Variants in ZNF329 observed in about 807,000 individuals in gnomAD.
ZNF329 encodes zinc finger protein 329.
ZNF329 carries 15 observed loss-of-function variants against 26.6 expected under a neutral mutation model. That is an observed-to-expected ratio of 0.56 (90% CI 0.38 to 0.87). The LOEUF (loss-of-function observed/expected upper bound fraction) is 0.87. Ranked by LOEUF, ZNF329 falls within the 40% of genes least tolerant of loss-of-function variation. The pLI, the probability that ZNF329 is intolerant of heterozygous loss-of-function variation, is 0.00. For synonymous variants in ZNF329, 239 were observed against 233.5 expected, an observed-to-expected ratio of 1.02 and a Z score of -0.21; for missense variants, 651 against 651.9, an observed-to-expected ratio of 1.00 and a Z score of 0.02.
intron 2 of ZNF329, among the ~76,000 whole-genome samples, 178 bp from the exon 3 acceptor site, chr19:58,142,839 C>A (rs796274538): frequency 6.6e-6 from 1 of 152,216 alleles, no homozygotes; most frequent in African/African-American, 2.4e-5. Context: ...ACCCCTTTCT[C>A]CTTCTCCCTC....
chr19:58,151,841 C>T (rs1330341972), upstream of ZNF329, among the ~76,000 whole-genome samples: 1 of 152,046 alleles, frequency 6.6e-6, no homozygotes, highest in Non-Finnish European at 1.5e-5. Flanking sequence ...GGGGAGGAGA[C>T]AAAGGAGACC....
chr19:58,135,134 TG>T (rs1203988839), intron 3 of ZNF329, among the ~76,000 whole-genome samples: 2 of 152,156 alleles, frequency 1.3e-5, no homozygotes, highest in African/African-American at 4.8e-5. Context: ...ATTTTTATAA[TG>T]GGGGTCTCAG....
chr19:58,128,459 C>G lies in ZNF329; in HGVS notation c.1045G>C (p.Gly349Arg), dbSNP rs2074853259. The change falls in exon 4 of 4, where the codon GGA becomes CGA. Residue 349 changes from glycine (G) to arginine (R), a missense_variant. By Grantham distance (125) the Gly-to-Arg change is moderately radical (BLOSUM62 -2). Coordinates refer to ENST00000598312, the MANE Select transcript of ZNF329 (RefSeq NM_024620.4). Reference sequence around the variant, plus strand: ...TACGAGCCGTCCCGGAAAGCCTTTCCACATTTGCTACACTCATAGGGCTTC... The same window carrying G: ...TACGAGCCGTCCCGGAAAGCCTTTCGACATTTGCTACACTCATAGGGCTTC... Reference protein sequence around the residue: ...GEKPYECSKCGKAFRDGSYLT... With the variant: ...GEKPYECSKCRKAFRDGSYLT... 1 of 1,613,256 alleles carries G rather than the reference C, an allele frequency of 6.2e-7. No individual in the cohort carries two copies. The highest frequency in any genetic ancestry group is 8.5e-7 in the Non-Finnish European group (1 of 1,179,508).
intron 1 of ZNF329, among the ~76,000 whole-genome samples, chr19:58,146,330 T>G (rs1347533980): frequency 6.6e-6 from 1 of 151,972 alleles, no homozygotes; most frequent in African/African-American, 2.4e-5. Flanking sequence ...AAATATTAGC[T>G]GGGCATAGTG....
At chr19:58,143,496 G>C (rs988945729) in intron 1 of ZNF329, among the ~76,000 whole-genome samples, 1 of 152,242 alleles carries the variant, frequency 6.6e-6, no homozygotes, top group African/African-American at 2.4e-5. Flanking sequence ...AAAGAAGAGA[G>C]GAAAAAGAGC....
At chr19:58,141,234 A>C (rs543168497) in intron 3 of ZNF329, among the ~76,000 whole-genome samples, 1 of 149,926 alleles carries the variant, frequency 6.7e-6, no homozygotes, top group South Asian at 2.1e-4. Context: ...GGGCTCAAGC[A>C]ATCCTCCCAC....
At chr19:58,140,505 C>A (rs1378958370) in intron 3 of ZNF329, among the ~76,000 whole-genome samples, 2 of 150,690 alleles carry the variant, frequency 1.3e-5, no homozygotes, top group Admixed American at 6.6e-5. Context: ...CTCCGTCTCC[C>A]GGGTTCACGC....
At chr19:58,141,070 G>T (rs555103032) in intron 3 of ZNF329, among the ~76,000 whole-genome samples, 1 of 151,842 alleles carries the variant, frequency 6.6e-6, no homozygotes, top group Non-Finnish European at 1.5e-5. Context: ...TGGCCAGGCT[G>T]GTCCTAAACT....
chr19:58,129,224 G>A lies in ZNF329; in HGVS notation c.280C>T (p.Pro94Ser), dbSNP rs749762098. 9 of 1,614,088 alleles carry A rather than the reference G, an allele frequency of 5.6e-6. No individual in the cohort carries two copies. The highest frequency in any genetic ancestry group is 4.0e-5 in the African/African-American group (3 of 74,924). The change falls in exon 4 of 4, where the codon CCT becomes TCT. Residue 94 changes from proline to serine, a missense_variant. Pro to Ser is a moderately conservative substitution (Grantham distance 74). Transcript: ENST00000598312. ...TCCAGACCACTAACATTTGAGTCAG[G>A]TGCATGGAAACCATTTGTTGCCAGA... ...RVLATNGFHA[P>S]DSNVSGLDCD...
upstream of ZNF329, among the ~76,000 whole-genome samples, chr19:58,154,423 C>T (rs1458076565): frequency 6.6e-6 from 1 of 152,196 alleles, no homozygotes; most frequent in Non-Finnish European, 1.5e-5. Flanking sequence ...TCAGCTTCTG[C>T]TCACCCCAGT....
Position 58,127,862 on chromosome 19 carries a change from A to T in ZNF329, c.*16T>A, listed in dbSNP as rs1301235416. On this transcript the variant is annotated 3_prime_UTR_variant, in exon 4 of 4. Transcript: ENST00000598312. ...GGAGTGAGAGTGAACTGGAAGACTC[A>T]TGTGGCCCCCAACCATTATGTTTCC... 1.3e-6 allele frequency: 2 copies of T among 1,561,956 alleles called. No individual in the cohort carries two copies. The highest frequency in any genetic ancestry group is 1.7e-6 in the Non-Finnish European group (2 of 1,153,382).
chr19:58,149,724 G>C (rs2075406863), intron 1 of ZNF329, among the ~76,000 whole-genome samples: 1 of 152,048 alleles, frequency 6.6e-6, no homozygotes, highest in Non-Finnish European at 1.5e-5. Context: ...TTTTTAACTT[G>C]GCAAAAAATA....
upstream of ZNF329, among the ~76,000 whole-genome samples, chr19:58,151,687 T>C (rs768833482): frequency 6.6e-6 from 1 of 150,782 alleles, no homozygotes; most frequent in Non-Finnish European, 1.5e-5. Flanking sequence ...TGTGCACTTA[T>C]CCACATGATA....
intron 3 of ZNF329, among the ~76,000 whole-genome samples, chr19:58,137,441 C>T (rs2075095488): frequency 6.6e-6 from 1 of 151,964 alleles, no homozygotes; most frequent in Non-Finnish European, 1.5e-5. Context: ...GTAGTCCTAG[C>T]TACTCGGGAG....
At position 58,128,900 on chromosome 19, in the gene ZNF329, G is replaced by T; in HGVS notation, c.604C>A (p.Gln202Lys). The change falls in exon 4 of 4, where the codon CAA becomes AAA. Residue 202 changes from glutamine to lysine, a missense_variant. Gln to Lys is a moderately conservative substitution (Grantham distance 53). Coordinates refer to ENST00000598312, the MANE Select transcript of ZNF329 (RefSeq NM_024620.4). ...ENQRNLPGEK[Q>K]YRCTECGKCF... Reference sequence around the variant, plus strand: ...TTGCCACATTCAGTACATCTATATTGTTTCTCTCCAGGGAGATTTCTCTGG... The same window carrying T: ...TTGCCACATTCAGTACATCTATATTTTTTCTCTCCAGGGAGATTTCTCTGG... The T allele has an allele frequency of 1.2e-6, 2 of 1,614,094 alleles. No homozygotes were observed. The highest frequency in any genetic ancestry group is 1.1e-5 in the South Asian group (1 of 91,082).
Position 58,128,499 on chromosome 19 carries a change from T to G in ZNF329, c.1005A>C (p.Arg335Ser). The change falls in exon 4 of 4, where the codon AGA becomes AGC. Residue 335 changes from arginine to serine, a missense_variant. Transcript: ENST00000598312. ...TDISHLTVHL[R>S]IHTGEKPYEC... ...CATAGGGCTTCTCACCGGTGTGGAT[T>G]CTGAGATGCACTGTAAGGTGGGAGA... 6.2e-7 allele frequency: 1 copy of G among 1,613,998 alleles called. No individual in the cohort carries two copies.
intron 3 of ZNF329, among the ~76,000 whole-genome samples, chr19:58,129,827 C>T (rs1028833914): frequency 4.6e-5 from 7 of 152,176 alleles, no homozygotes; most frequent in African/African-American, 1.7e-4. Flanking sequence ...CCCTAGAATT[C>T]CATCCCAGCC....
At chr19:58,134,256 T>C (rs898940710) in intron 3 of ZNF329, among the ~76,000 whole-genome samples, 1 of 152,052 alleles carries the variant, frequency 6.6e-6, no homozygotes, top group East Asian at 1.9e-4. Flanking sequence ...GCCCCAAATG[T>C]CCATAGTACT....
intron 3 of ZNF329, among the ~76,000 whole-genome samples, chr19:58,130,902 T>C (rs997804216): frequency 6.6e-6 from 1 of 152,056 alleles, no homozygotes; most frequent in African/African-American, 2.4e-5. Flanking sequence ...AGTGCAGTGG[T>C]GTGATCTTGG....
Sources: gnomAD v4.1 joint callset for allele counts (sites outside exome capture counted in the v4.1 genomes callset) on GRCh38, gnomAD v4.1.1 for gene constraint, MANE v1.5 for transcripts, NCBI Gene and HGNC (gene_info 2026-07-23, HGNC 2026-07-21) for gene names.